TGFBR3: variants seen among roughly 807,000 people sequenced by gnomAD.
The protein encoded by TGFBR3 is transforming growth factor beta receptor 3.
Under a neutral mutation model 87.9 loss-of-function variants are expected in TGFBR3, and 46 were observed. The ratio of observed to expected loss-of-function variants is 0.52; its 90% CI spans 0.41 to 0.67. TGFBR3 has a LOEUF of 0.67. TGFBR3 is among the 30% of genes least tolerant of loss of function. The pLI is 0.00. For missense variants in TGFBR3, 866 were observed against 1,041.9 expected, an observed-to-expected ratio of 0.83 and a Z score of 2.32; for synonymous variants, 381 against 391.6, an observed-to-expected ratio of 0.97 and a Z score of 0.32.
intron 3 of TGFBR3, among the ~76,000 whole-genome samples, chr1:91,791,124 T>C (rs1454106791): frequency 3.9e-5 from 6 of 152,222 alleles, no homozygotes; most frequent in Non-Finnish European, 2.9e-5. Flanking sequence ...ACTGAAGCTC[T>C]TGCATATCAT....
intron 3 of TGFBR3, among the ~76,000 whole-genome samples, chr1:91,762,731 G>A (rs976540221): frequency 3.3e-5 from 5 of 152,222 alleles, no homozygotes; most frequent in African/African-American, 1.2e-4. Flanking sequence ...AAATGGAAAA[G>A]AGTTAATTGG....
rs756171899 is a variant in TGFBR3, at chr1:91,712,524, C to T, written c.1885G>A (p.Glu629Lys). 1 of 1,614,134 alleles carries T rather than the reference C, an allele frequency of 6.2e-7. No homozygotes were observed. Among genetic ancestry groups the T allele is most frequent in the East Asian group, 2.2e-5 (1 of 44,872 alleles). ...VYVEVSVTKA[E>K]QELGFAIQTC... ...TGGATGGCAAATCCCAGTTCTTGTT[C>T]AGCCTTAGTAACAGATACCTATGAA... Residue 629 changes from glutamate (E) to lysine (K), a missense_variant, in exon 13 of 17, where the codon GAA (glutamate) becomes AAA (lysine). Coordinates refer to ENST00000212355, the MANE Select transcript of TGFBR3 (RefSeq NM_003243.5).
At chr1:91,779,386 G>A (rs1674685944) in intron 3 of TGFBR3, among the ~76,000 whole-genome samples, 2 of 152,318 alleles carry the variant, frequency 1.3e-5, no homozygotes, top group Admixed American at 1.3e-4. Context: ...GCATAAAGAA[G>A]TTAACTGACT....
At chr1:91,734,549 T>A (rs1392350446) in intron 5 of TGFBR3, among the ~76,000 whole-genome samples, 1 of 152,130 alleles carries the variant, frequency 6.6e-6, no homozygotes, top group Non-Finnish European at 1.5e-5. Flanking sequence ...CCCCTGCTCC[T>A]CCCTGTGTTT....
At chr1:91,802,299 A>G (rs1026529478) in intron 2 of TGFBR3, among the ~76,000 whole-genome samples, 1 of 151,652 alleles carries the variant, frequency 6.6e-6, no homozygotes, top group East Asian at 1.9e-4. Flanking sequence ...CATGGGTTCA[A>G]CTCTCATCTC....
chr1:91,828,988 G>A (rs954623037), intron 2 of TGFBR3, among the ~76,000 whole-genome samples: 1 of 152,112 alleles, frequency 6.6e-6, no homozygotes, highest in Non-Finnish European at 1.5e-5. Flanking sequence ...CATGTGTCCT[G>A]CTGGCAAATC....
intron 14 of TGFBR3, among the ~76,000 whole-genome samples, chr1:91,704,714 T>C (rs1363067146): frequency 6.6e-6 from 1 of 152,212 alleles, no homozygotes; most frequent in Non-Finnish European, 1.5e-5. Flanking sequence ...TTGTTAAAAA[T>C]TTAAATGGTA....
intron 3 of TGFBR3, among the ~76,000 whole-genome samples, chr1:91,761,065 T>C (rs560320649): frequency 2.6e-5 from 4 of 152,382 alleles, no homozygotes; most frequent in African/African-American, 9.6e-5. Flanking sequence ...AATGTATATC[T>C]GCAGGGGCTG....
intron 3 of TGFBR3, among the ~76,000 whole-genome samples, chr1:91,773,015 T>C (rs1003840389): frequency 6.6e-6 from 1 of 152,182 alleles, no homozygotes; most frequent in Non-Finnish European, 1.5e-5. Flanking sequence ...TAACTTTCAC[T>C]ATAAACCACA....
intron 3 of TGFBR3, among the ~76,000 whole-genome samples, chr1:91,781,624 A>T (rs926706087): frequency 2.0e-5 from 3 of 152,334 alleles, no homozygotes; most frequent in African/African-American, 7.2e-5. Flanking sequence ...TAATAGCACC[A>T]AGCCAGAGAA....
intron 2 of TGFBR3, among the ~76,000 whole-genome samples, chr1:91,822,309 A>T (rs898618958): frequency 2.6e-5 from 4 of 151,244 alleles, no homozygotes; most frequent in Non-Finnish European, 4.4e-5. Flanking sequence ...AAAAAAAAAA[A>T]AAAAAAAAAA....
rs142815604 is a variant in TGFBR3 at position 91,813,539 on chromosome 1, T to C, written c.62-16068A>G. Among the ~76,000 whole-genome samples the C allele has an allele frequency of 8.5e-5, 13 of 152,322 alleles. No individual in the cohort carries two copies. The East Asian group carries it at 2.5e-3, about 29-fold the overall frequency. On this transcript the variant is annotated intron_variant, in intron 2 of 16. Transcript: ENST00000212355. ...AATTTGCACATTTTTTCCACTCTAG[T>C]TTCTCAATGGAAGTTGTATTCACCA...
At chr1:91,806,586 T>C (rs1675842374) in intron 2 of TGFBR3, among the ~76,000 whole-genome samples, 1 of 152,170 alleles carries the variant, frequency 6.6e-6, no homozygotes, top group Admixed American at 6.5e-5. Flanking sequence ...AAACATCTGG[T>C]ACCTATTCCA....
chr1:91,739,958 G>A (rs1673105112), intron 4 of TGFBR3, among the ~76,000 whole-genome samples: 1 of 152,128 alleles, frequency 6.6e-6, no homozygotes, highest in Admixed American at 6.6e-5. Flanking sequence ...CACTCACTAT[G>A]ACGAGAACAG....
intron 2 of TGFBR3, among the ~76,000 whole-genome samples, chr1:91,845,234 T>C (rs1677426980): frequency 6.6e-6 from 1 of 152,148 alleles, no homozygotes; most frequent in Non-Finnish European, 1.5e-5. Context: ...CTGAATCATG[T>C]TAATAAAGTA....
chr1:91,775,844 T>C (rs574273245), intron 3 of TGFBR3, among the ~76,000 whole-genome samples: 1 of 152,378 alleles, frequency 6.6e-6, no homozygotes, highest in South Asian at 2.1e-4. Flanking sequence ...ATTGTTGTAC[T>C]GAAACATTCA....
intron 4 of TGFBR3, among the ~76,000 whole-genome samples, chr1:91,739,727 T>TA (rs1208683344): frequency 3.9e-5 from 6 of 152,144 alleles, no homozygotes; most frequent in African/African-American, 1.4e-4. Flanking sequence ...CACACTGCTA[T>TA]AAAAAAATAC....
chr1:91,718,782 T>C (rs2100778473), intron 10 of TGFBR3, among the ~76,000 whole-genome samples: 1 of 152,322 alleles, frequency 6.6e-6, no homozygotes, highest in Admixed American at 6.5e-5. Flanking sequence ...TTCTTCAATG[T>C]ATGGTCTTTC....
intron 4 of TGFBR3, among the ~76,000 whole-genome samples, chr1:91,751,719 C>G (rs1339392870): frequency 6.6e-6 from 1 of 152,014 alleles, no homozygotes; most frequent in Non-Finnish European, 1.5e-5. Flanking sequence ...CTTGAAAATA[C>G]AAAACTGGTT....
Sources: gnomAD v4.1 joint callset for allele counts (sites outside exome capture counted in the v4.1 genomes callset) on GRCh38, gnomAD v4.1.1 for gene constraint, MANE v1.5 for transcripts, NCBI Gene and HGNC (gene_info 2026-07-23, HGNC 2026-07-21) for gene names.